The following DHX35 variants were observed in gnomAD, a reference collection of about 807,000 sequenced individuals.
The protein encoded by DHX35 is DEAH-box helicase 35.
In DHX35, 84 loss-of-function variants were observed where a neutral mutation model predicts 99.6. That is an observed-to-expected ratio of 0.84 (90% CI 0.71 to 1.01). The LOEUF is 1.01. Ranked by LOEUF, DHX35 falls within the 50% of genes least tolerant of loss-of-function variation. DHX35 has a pLI of 0.00. For synonymous variants in DHX35, 331 were observed against 316.2 expected, an observed-to-expected ratio of 1.05 and a Z score of -0.50; for missense variants, 852 against 888.5, an observed-to-expected ratio of 0.96 and a Z score of 0.52.
At chr20:39,030,500 T>C in intron 19 of DHX35, 1 of 560,700 alleles carries the variant, frequency 1.8e-6, no homozygotes. Flanking sequence ...TCCTCTTCGC[T>C]TTTTCCACGT....
chr20:39,034,261 G>A lies in DHX35; in HGVS notation c.2011G>A (p.Ala671Thr). ...CAAGTACTACATGAGAGATGTGACT[G>A]CCATTGAATCGGCCTGGCTGTTGGA... is the stretch of plus-strand genomic sequence containing the variant. Reference protein sequence around the residue: ...TSKYYMRDVTAIESAWLLELA... With the variant: ...TSKYYMRDVTTIESAWLLELA... Residue 671 changes from alanine to threonine, a missense_variant, in exon 21 of 22, where the codon GCC (alanine) becomes ACC (threonine). Transcript: ENST00000252011. 1.2e-6 allele frequency: 2 copies of A among 1,614,210 alleles called. No individual in the cohort carries two copies. Among genetic ancestry groups the A allele is most frequent in the South Asian group, 2.2e-5 (2 of 91,088 alleles).
At chr20:39,010,718 C>A (rs1378647656) in intron 13 of DHX35, among the ~76,000 whole-genome samples, 1 of 152,126 alleles carries the variant, frequency 6.6e-6, no homozygotes, top group Non-Finnish European at 1.5e-5. Context: ...ACCTGAAACC[C>A]AAATAGAATC....
intron 3 of DHX35, among the ~76,000 whole-genome samples, chr20:38,973,284 G>T (rs1051122258): frequency 2.5e-4 from 38 of 152,122 alleles, no homozygotes; most frequent in African/African-American, 8.9e-4. Context: ...GACCTTGCAG[G>T]TTCTTACTTC....
chr20:38,972,004 G>GTTTTTTTTTTTTTTTTTTTTTT (rs752049458), intron 2 of DHX35, among the ~76,000 whole-genome samples: 4 of 81,040 alleles, frequency 4.9e-5, no homozygotes, highest in Non-Finnish European at 9.3e-5. Context: ...GTTTTGTTTT[G>GTTTTTTTTTTTTTTTTTTTTTT]TTTTTTTTTT....
Position 39,014,911 on chromosome 20 carries a change from T to C in DHX35, c.1379T>C (p.Leu460Ser). 3 of 1,614,190 alleles carry C rather than the reference T, an allele frequency of 1.9e-6. No individual in the cohort carries two copies. Among genetic ancestry groups the C allele is most frequent in the Non-Finnish European group, 2.5e-6 (3 of 1,180,016 alleles). ...CCAGCACAGTCGATGGTTCAAGCCT[T>C]GGAGTTACTGTATGCTCTGGGAGGT... Reference protein sequence around the residue: ...PPPAQSMVQALELLYALGGLD... With the variant: ...PPPAQSMVQASELLYALGGLD... The change falls in exon 14 of 22, where the codon TTG (leucine) becomes TCG (serine). Residue 460 changes from leucine (L) to serine (S), a missense_variant. Transcript: ENST00000252011.
At chr20:39,030,593 T>G in intron 19 of DHX35, 111 bp from the exon 20 acceptor site, 1 of 949,124 alleles carries the variant, frequency 1.1e-6, no homozygotes, top group Non-Finnish European at 1.6e-6. Flanking sequence ...TTGTTTTGCT[T>G]GTGACGAGTT....
At chr20:39,014,818 C>T (rs1403481637) in intron 13 of DHX35, 62 bp from the exon 14 acceptor site, 3 of 1,592,720 alleles carry the variant, frequency 1.9e-6, no homozygotes, top group African/African-American at 2.7e-5. Flanking sequence ...AAGGAAACAG[C>T]CACATTTTAA....
chr20:39,033,189 T>C (rs1209351512), intron 20 of DHX35, among the ~76,000 whole-genome samples: 1 of 152,088 alleles, frequency 6.6e-6, no homozygotes, highest in Non-Finnish European at 1.5e-5. Flanking sequence ...TGAGCCATGA[T>C]TGCACCACTG....
intron 20 of DHX35, among the ~76,000 whole-genome samples, chr20:39,031,103 A>G (rs911314095): frequency 6.6e-6 from 1 of 151,862 alleles, no homozygotes; most frequent in African/African-American, 2.4e-5. Context: ...CAGAGGTTGC[A>G]GTGAGCTGAG....
At chr20:38,986,534 G>A (rs2086251487) in intron 4 of DHX35, among the ~76,000 whole-genome samples, 1 of 151,752 alleles carries the variant, frequency 6.6e-6, no homozygotes, top group Non-Finnish European at 1.5e-5. Flanking sequence ...AATTTTTGTG[G>A]GTACATCGTA....
At chr20:38,982,922 C>CA (rs969437387) in intron 3 of DHX35, among the ~76,000 whole-genome samples, 3 of 150,120 alleles carry the variant, frequency 2.0e-5, no homozygotes, top group African/African-American at 7.4e-5. Flanking sequence ...TACACTTAAT[C>CA]AAATTTTTTT....
intron 5 of DHX35, among the ~76,000 whole-genome samples, chr20:38,989,120 CAG>C (rs2086295720): frequency 7.5e-6 from 1 of 133,250 alleles, no homozygotes; most frequent in South Asian, 2.4e-4. Context: ...TTTTTTGAGA[CAG>C]AGTCTCTCTC....
intron 8 of DHX35, among the ~76,000 whole-genome samples, chr20:38,995,389 T>C (rs777481667): frequency 6.6e-6 from 1 of 152,082 alleles, no homozygotes; most frequent in Non-Finnish European, 1.5e-5. Flanking sequence ...CTGGGCGTAG[T>C]AGTACATGCC....
At position 38,991,522 on chromosome 20, in the gene DHX35, G is replaced by A. The variant is rs2086337463; in HGVS notation, c.512+7G>A. ...CGTTGTTAACAAAATATAGGTAAATGTGTTTTTCTTATGATAGCTTTCCTA... is the reference window on the plus strand; with the variant it reads ...CGTTGTTAACAAAATATAGGTAAATATGTTTTTCTTATGATAGCTTTCCTA... On this transcript the variant is annotated splice_region_variant and intron_variant, in intron 6 of 21. Transcript: ENST00000252011. 1 of 1,612,104 alleles carries A rather than the reference G, an allele frequency of 6.2e-7. No individual in the cohort carries two copies. The highest frequency in any genetic ancestry group is 1.3e-5 in the African/African-American group (1 of 74,806).
intron 14 of DHX35, 36 bp downstream of exon 14, chr20:39,014,970 G>A (rs774607795): frequency 6.2e-7 from 1 of 1,612,610 alleles, no homozygotes; most frequent in Non-Finnish European, 8.5e-7. Context: ...CTCTTATTAT[G>A]TGTTGTCTTT....
Position 39,001,716 on chromosome 20 carries a change from T to G in DHX35, c.643-14T>G, listed in dbSNP as rs370485256. 48 of 1,585,090 alleles carry G rather than the reference T, an allele frequency of 3.0e-5. No individual in the cohort carries two copies. The African/African-American group carries it at 6.2e-4, about 21-fold the overall frequency. ...TTTCTAAGAGAAATGAAGAATTAAT[T>G]TTTTTCTTTTTAGAAATTCCGGGAT... On this transcript the variant is annotated splice_polypyrimidine_tract_variant and intron_variant, in intron 8 of 21. Coordinates refer to ENST00000252011, the MANE Select transcript of DHX35 (RefSeq NM_021931.4).
intron 4 of DHX35, among the ~76,000 whole-genome samples, chr20:38,985,482 C>T (rs1373224937): frequency 6.0e-5 from 9 of 148,924 alleles, no homozygotes; most frequent in African/African-American, 2.2e-4. Context: ...TATTTTTGTT[C>T]TGTACTGAGT....
At chr20:38,975,889 A>G (rs969374403) in intron 3 of DHX35, among the ~76,000 whole-genome samples, 2 of 152,228 alleles carry the variant, frequency 1.3e-5, no homozygotes, top group African/African-American at 2.4e-5. Flanking sequence ...AGCAAGTTAT[A>G]TGGCCAGGCC....
intron 20 of DHX35, among the ~76,000 whole-genome samples, chr20:39,032,676 C>G (rs1487657843): frequency 6.6e-6 from 1 of 152,162 alleles, no homozygotes; most frequent in Non-Finnish European, 1.5e-5. Context: ...TCAGTATCAC[C>G]TGGAAACTTG....
Sources: gnomAD v4.1 joint callset for allele counts (sites outside exome capture counted in the v4.1 genomes callset) on GRCh38, gnomAD v4.1.1 for gene constraint, MANE v1.5 for transcripts, NCBI Gene and HGNC (gene_info 2026-07-23, HGNC 2026-07-21) for gene names.